CBR4: variants seen among roughly 807,000 people sequenced by gnomAD.
The protein encoded by CBR4 is carbonyl reductase 4.
CBR4 carries 22 observed loss-of-function variants against 21.0 expected under a neutral mutation model. That is an observed-to-expected ratio of 1.05 (90% CI 0.75 to 1.50). The LOEUF (loss-of-function observed/expected upper bound fraction) is 1.50. Among genes scored for constraint, CBR4 ranks in the 40% most tolerant of loss-of-function variants. The probability of loss-of-function intolerance (pLI) is 0.00; values close to 1 mark genes in which losing one functional copy is unlikely to be tolerated. For synonymous variants in CBR4, 100 were observed against 104.4 expected, an observed-to-expected ratio of 0.96 and a Z score of 0.26; for missense variants, 302 against 286.3, an observed-to-expected ratio of 1.05 and a Z score of -0.40.
In CBR4 at chr4:168,903,753, A is replaced by G. The variant is rs765144938; in HGVS notation, n.170-8988T>C. 14 of 1,608,674 alleles carry G rather than the reference A, an allele frequency of 8.7e-6. No individual in the cohort carries two copies. In the Admixed American group the frequency reaches 1.8e-4, roughly 21 times the overall value. On this transcript the variant is annotated intron_variant and non_coding_transcript_variant, in intron 2 of 3. Coordinates refer to the CBR4 transcript ENST00000509108. ...TAATCTTTAATCTTTGTTTCTATTC[A>G]CAGATCTATTGGTTTAAAGATGGGA...
intron 2 of CBR4, among the ~76,000 whole-genome samples, chr4:168,964,412 C>A (rs886787949): frequency 6.6e-6 from 1 of 152,146 alleles, no homozygotes; most frequent in Non-Finnish European, 1.5e-5. Context: ...GACCTTCAAT[C>A]GAAACACACA....
intron 2 of CBR4, among the ~76,000 whole-genome samples, chr4:168,920,370 T>C (rs1167739649): frequency 6.6e-6 from 1 of 152,224 alleles, no homozygotes; most frequent in Admixed American, 6.5e-5. Flanking sequence ...GCAGGTAATA[T>C]CAGTTGAGTA....
intron 2 of CBR4, among the ~76,000 whole-genome samples, chr4:168,923,719 A>G (rs1266899920): frequency 2.0e-5 from 3 of 152,188 alleles, no homozygotes; most frequent in Non-Finnish European, 2.9e-5. Context: ...AAAGCTGCCA[A>G]ATTTAGATAA....
intron 2 of CBR4, among the ~76,000 whole-genome samples, chr4:168,953,165 TG>T (rs1406411601): frequency 6.6e-6 from 1 of 152,158 alleles, no homozygotes; most frequent in Non-Finnish European, 1.5e-5. Context: ...TGGCTGCCTC[TG>T]CTGAGTCATG....
chr4:168,925,115 CATTAA>C (rs1427327879), intron 2 of CBR4: 2 of 1,609,986 alleles, frequency 1.2e-6, no homozygotes, highest in Non-Finnish European at 1.7e-6. Flanking sequence ...TGCGTTTACT[CATTAA>C]ATTATGAAAA....
intron 2 of CBR4, chr4:168,926,488 A>C: frequency 1.5e-6 from 1 of 681,892 alleles, no homozygotes; most frequent in Non-Finnish European, 2.1e-6. Flanking sequence ...CTTTGACTAT[A>C]AGAAATTAAA....
chr4:168,921,813 A>G, intron 2 of CBR4: 1 of 1,169,516 alleles, frequency 8.6e-7, no homozygotes, highest in South Asian at 1.2e-5. Context: ...CTAATTCTAC[A>G]TTACTAACCA....
Position 169,005,978 on chromosome 4 carries a change from A to C in CBR4, c.400+777T>G. 3 of 1,076,444 alleles carry C rather than the reference A, an allele frequency of 2.8e-6. No homozygotes were observed. The South Asian group carries it at 3.9e-5, about 14-fold the overall frequency. 66.7% of individuals were successfully genotyped at this position (1,076,444 alleles called of 1,614,324 possible). A position where few individuals can be genotyped will look rare whatever the true frequency, so the allele number is the denominator to read the frequency against. ...GTATACTATTATTTCCAAATTACCA[A>C]ACTGAAATAAAATTTCAAGTCATTT... On this transcript the variant is annotated intron_variant, in intron 3 of 4. Coordinates refer to ENST00000306193, the MANE Select transcript of CBR4 (RefSeq NM_032783.5).
intron 2 of CBR4, among the ~76,000 whole-genome samples, chr4:168,976,713 G>A (rs1397883144): frequency 1.3e-5 from 2 of 152,220 alleles, no homozygotes; most frequent in Non-Finnish European, 2.9e-5. Context: ...ATTCACAAGG[G>A]TGGGGGAATA....
intron 2 of CBR4, among the ~76,000 whole-genome samples, chr4:168,944,948 TTTTG>T (rs1560956708): frequency 6.6e-6 from 1 of 152,094 alleles, no homozygotes. Context: ...GCATGTGACA[TTTTG>T]TTTTATTCAT....
At position 169,007,677 on chromosome 4, in the gene CBR4, TA is replaced by T; in HGVS notation, c.221del (p.Leu74Ter). ...CATTTACCAAGAAATTTACTCGACC[TA>T]AATGTTTCTCCAGCTCTTCAAATGT... ...QNTFEELEKH[L>X]GRVNFLVNAA... On this transcript the variant is annotated frameshift_variant, in exon 2 of 5. Coordinates refer to ENST00000306193, the MANE Select transcript of CBR4 (RefSeq NM_032783.5). LOFTEE classifies it high-confidence loss of function. The T allele has an allele frequency of 6.3e-7, 1 of 1,594,510 alleles. No homozygotes were observed. Among genetic ancestry groups the T allele is most frequent in the Non-Finnish European group, 8.5e-7 (1 of 1,171,850 alleles).
rs77581251 is a variant in CBR4 at position 168,955,246 on chromosome 4, CAT to C, written n.169+46823_169+46824del. ...CCTCTTCCTTACTGAGAAGTCAATACATGAGGCCTAATTCTGAAAAATCAAGA... is the reference window on the plus strand; with the variant it reads ...CCTCTTCCTTACTGAGAAGTCAATACGAGGCCTAATTCTGAAAAATCAAGA... On this transcript the variant is annotated intron_variant and non_coding_transcript_variant, in intron 2 of 3. Coordinates refer to the CBR4 transcript ENST00000509108. 1.2e-3 allele frequency among the ~76,000 whole-genome samples: 190 copies of C among 152,248 alleles called. No individual in the cohort carries two copies. In the East Asian group the frequency reaches 0.033, roughly 27 times the overall value.
intron 2 of CBR4, among the ~76,000 whole-genome samples, chr4:168,968,771 C>T (rs1764116450): frequency 6.6e-6 from 1 of 152,190 alleles, no homozygotes; most frequent in South Asian, 2.1e-4. Context: ...TTAATCTCTG[C>T]CATTCTACCA....
Position 168,987,792 on chromosome 4 carries a change from T to C in CBR4, c.*2358A>G, listed in dbSNP as rs1764741621. On this transcript the variant is annotated 3_prime_UTR_variant, in exon 5 of 5. Transcript: ENST00000306193. Reference sequence around the variant, plus strand: ...AAGCACGTAAATTAAATTATCCTCTTTGCACAATTATTCCCCCCAAAACTA... The same window carrying C: ...AAGCACGTAAATTAAATTATCCTCTCTGCACAATTATTCCCCCCAAAACTA... 1.0e-6 allele frequency: 1 copy of C among 983,862 alleles called. No individual in the cohort carries two copies. The highest frequency in any genetic ancestry group is 1.7e-5 in the African/African-American group (1 of 57,202). The allele number at this position is 983,862 out of a possible 1,614,324, so 60.9% of individuals were successfully genotyped here.
rs145365589 is a variant in CBR4, at chr4:168,996,878, T to G, written c.535+5193A>C. On this transcript the variant is annotated intron_variant, in intron 4 of 4. Coordinates refer to ENST00000306193, the MANE Select transcript of CBR4 (RefSeq NM_032783.5). The stretch of plus-strand genomic sequence containing the variant: ...GAACCACGTGATCTTCATTTATAAA[T>G]ATATTCACAACCCAGGACATGACAT... Among the ~76,000 whole-genome samples the G allele has an allele frequency of 4.8e-3, 734 of 152,282 alleles. 7 individuals carry two copies. The highest frequency in any genetic ancestry group is 5.5e-3 in the Admixed American group (84 of 15,296).
Position 168,898,710 on chromosome 4 carries a change from C to T in CBR4, n.170-3945G>A. 6.2e-7 allele frequency: 1 copy of T among 1,607,770 alleles called. No homozygotes were observed. The highest frequency in any genetic ancestry group is 8.5e-7 in the Non-Finnish European group (1 of 1,174,200). ...TGTAGAGTGGCTGGAAATCCAAAGC[C>T]AAAGGTGAGCTGGGAGATGGAGGCT... On this transcript the variant is annotated intron_variant and non_coding_transcript_variant, in intron 2 of 3. Coordinates refer to the CBR4 transcript ENST00000509108.
intron 4 of CBR4, among the ~76,000 whole-genome samples, chr4:168,996,752 A>T (rs1765223407): frequency 6.6e-6 from 1 of 152,168 alleles, no homozygotes; most frequent in Non-Finnish European, 1.5e-5. Context: ...GAAATTAAAT[A>T]AAATTTATCA....
intron 1 of CBR4, among the ~76,000 whole-genome samples, 157 bp from the exon 2 acceptor site, chr4:169,007,913 G>T (rs1731056948): frequency 6.6e-6 from 1 of 152,040 alleles, no homozygotes; most frequent in Non-Finnish European, 1.5e-5. Flanking sequence ...TCATAGAGTT[G>T]GTCTAATGAA....
chr4:169,004,350 T>C (rs1157644415), intron 3 of CBR4, among the ~76,000 whole-genome samples: 1 of 152,188 alleles, frequency 6.6e-6, no homozygotes, highest in Non-Finnish European at 1.5e-5. Flanking sequence ...AACTAAACAA[T>C]TGGATAAGAC....
Sources: allele counts gnomAD v4.1 joint callset (sites outside exome capture counted in the v4.1 genomes callset), GRCh38; gene constraint gnomAD v4.1.1; transcripts MANE v1.5; gene names NCBI Gene and HGNC (gene_info 2026-07-23, HGNC 2026-07-21).